MAGI2: variants seen among roughly 807,000 people sequenced by gnomAD.
MAGI2 encodes the protein membrane associated guanylate kinase, WW and PDZ domain containing 2.
MAGI2 carries 35 observed loss-of-function variants against 133.3 expected under a neutral mutation model. That is an observed-to-expected ratio of 0.26 (90% CI 0.20 to 0.35). MAGI2 has a LOEUF of 0.35. MAGI2 is among the 10% of genes least tolerant of loss of function. The pLI is 1.00. For synonymous variants in MAGI2, 729 were observed against 710.6 expected (o/e 1.03, Z -0.41); for missense variants, 1,636 against 1,863.4 (o/e 0.88, Z 2.25).
chr7:78,705,588 T>A (rs971272616), intron 2 of MAGI2, among the ~76,000 whole-genome samples: 3 of 152,114 alleles, frequency 2.0e-5, no homozygotes, highest in Non-Finnish European at 4.4e-5. Flanking sequence ...TTTCCTTCAG[T>A]GGACTGAGAA....
intron 21 of MAGI2, among the ~76,000 whole-genome samples, chr7:78,037,586 A>G (rs949985938): frequency 6.6e-6 from 1 of 152,346 alleles, no homozygotes; most frequent in South Asian, 2.1e-4. Context: ...TTAGCGCAAG[A>G]TAAGTTTTTT....
chr7:78,679,528 A>G (rs941713148), intron 2 of MAGI2, among the ~76,000 whole-genome samples: 2 of 108,604 alleles, frequency 1.8e-5, no homozygotes, highest in African/African-American at 7.9e-5. Flanking sequence ...AAATGAGCAC[A>G]GCTCTAACCT....
intron 1 of MAGI2, among the ~76,000 whole-genome samples, chr7:79,422,444 T>C (rs183799991): frequency 2.5e-4 from 38 of 152,134 alleles, no homozygotes; most frequent in African/African-American, 8.7e-4. Flanking sequence ...CCAGGTACTT[T>C]ATGAAATTTA....
rs371012881 is a variant in MAGI2, at chr7:78,974,905, T to C, written c.418+32185A>G. Among the ~76,000 whole-genome samples the C allele has an allele frequency of 3.6e-4, 54 of 151,852 alleles. No homozygotes were observed. The South Asian group carries it at 6.0e-3, about 17-fold the overall frequency. On this transcript the variant is annotated intron_variant, in intron 2 of 21. Coordinates refer to ENST00000354212, the MANE Select transcript of MAGI2 (RefSeq NM_012301.4). ...TACCTATATTACTTTTAAACAAAGT[T>C]GACTTCAAAACAAGGAAGATTACCA...
chr7:78,623,308 G>C (rs186609777), intron 3 of MAGI2, among the ~76,000 whole-genome samples: 17 of 113,794 alleles, frequency 1.5e-4, no homozygotes, highest in African/African-American at 5.2e-4. Context: ...TTTAAATAAG[G>C]TTGTAAAGCA....
intron 9 of MAGI2, among the ~76,000 whole-genome samples, chr7:78,322,518 C>T (rs537669864): frequency 6.6e-6 from 1 of 152,182 alleles, no homozygotes; most frequent in South Asian, 2.1e-4. Context: ...AAACAGAAAA[C>T]CAAACACCAT....
intron 6 of MAGI2, among the ~76,000 whole-genome samples, chr7:78,444,941 A>G (rs1262665777): frequency 6.7e-6 from 1 of 150,286 alleles, no homozygotes; most frequent in African/African-American, 2.4e-5. Context: ...AAAAATAAGT[A>G]TATATATGTA....
chr7:78,785,156 AG>A (rs1826711466), intron 2 of MAGI2, among the ~76,000 whole-genome samples: 1 of 152,226 alleles, frequency 6.6e-6, no homozygotes, highest in Non-Finnish European at 1.5e-5. Context: ...CATAATTTGA[AG>A]CTATCATTTA....
intron 1 of MAGI2, among the ~76,000 whole-genome samples, chr7:79,215,125 C>T (rs1313437281): frequency 2.0e-5 from 3 of 151,686 alleles, no homozygotes; most frequent in Non-Finnish European, 4.4e-5. Flanking sequence ...ATCAGATATG[C>T]CTCATTATAC....
intron 2 of MAGI2, among the ~76,000 whole-genome samples, chr7:78,760,214 T>TC (rs1436815382): frequency 3.3e-4 from 50 of 152,324 alleles, no homozygotes; most frequent in African/African-American, 1.1e-3. Context: ...TGTATTTTTT[T>TC]CATTATATAA....
At chr7:79,319,773 T>C (rs1229002276) in intron 1 of MAGI2, among the ~76,000 whole-genome samples, 1 of 152,166 alleles carries the variant, frequency 6.6e-6, no homozygotes, top group African/African-American at 2.4e-5. Flanking sequence ...TGAAGTCCCA[T>C]CTAAGCCTAA....
chr7:78,494,188 G>T (rs983811359), intron 5 of MAGI2, among the ~76,000 whole-genome samples: 3 of 151,944 alleles, frequency 2.0e-5, no homozygotes, highest in Admixed American at 6.6e-5. Flanking sequence ...AAATTCCTGA[G>T]CTCAAGCAAT....
chr7:78,738,878 A>G (rs1822124335), intron 2 of MAGI2, among the ~76,000 whole-genome samples: 2 of 152,200 alleles, frequency 1.3e-5, no homozygotes, highest in South Asian at 4.1e-4. Flanking sequence ...GAAAGAAGAA[A>G]CTACATAAGA....
chr7:78,641,171 A>G (rs1317413103), intron 2 of MAGI2, among the ~76,000 whole-genome samples: 1 of 152,182 alleles, frequency 6.6e-6, no homozygotes, highest in Non-Finnish European at 1.5e-5. Context: ...GAGTCAATTA[A>G]ACCTCTTTTC....
At chr7:78,546,163 G>C (rs1047901487) in intron 3 of MAGI2, among the ~76,000 whole-genome samples, 1 of 152,116 alleles carries the variant, frequency 6.6e-6, no homozygotes, top group Non-Finnish European at 1.5e-5. Context: ...CTTTTTAGGA[G>C]AAAATATTAA....
intron 9 of MAGI2, among the ~76,000 whole-genome samples, chr7:78,286,660 G>A (rs989520546): frequency 6.6e-6 from 1 of 152,210 alleles, no homozygotes; most frequent in East Asian, 1.9e-4. Flanking sequence ...GTGGGGGCAT[G>A]TCTGGGGAAG....
intron 1 of MAGI2, among the ~76,000 whole-genome samples, chr7:79,140,841 T>C (rs2129546178): frequency 6.6e-6 from 1 of 152,258 alleles, no homozygotes; most frequent in East Asian, 1.9e-4. Flanking sequence ...AATTACGAGA[T>C]TATTTTAAGA....
intron 2 of MAGI2, among the ~76,000 whole-genome samples, chr7:78,858,514 G>T (rs1793858085): frequency 6.6e-6 from 1 of 152,208 alleles, no homozygotes; most frequent in South Asian, 2.1e-4. Flanking sequence ...TATGCACCCA[G>T]TAGTTATTCA....
intron 1 of MAGI2, among the ~76,000 whole-genome samples, chr7:79,048,320 AGAAATAATGCT>A: frequency 6.6e-6 from 1 of 152,216 alleles, no homozygotes; most frequent in Non-Finnish European, 1.5e-5. Flanking sequence ...CAATTCATAA[AGAAATAATGCT>A]GAAATAATAT....
Sources: gnomAD v4.1 joint callset for allele counts (sites outside exome capture counted in the v4.1 genomes callset) on GRCh38, gnomAD v4.1.1 for gene constraint, MANE v1.5 for transcripts, NCBI Gene and HGNC (gene_info 2026-07-23, HGNC 2026-07-21) for gene names.